The following PCDH9 variants were observed in gnomAD, a reference collection of about 807,000 sequenced individuals.
PCDH9 encodes the protein protocadherin 9, also known as protocadherin-9.
Under a neutral mutation model 70.6 loss-of-function variants are expected in PCDH9, and 24 were observed. The ratio of observed to expected loss-of-function variants is 0.34; its 90% CI spans 0.25 to 0.48. The LOEUF (loss-of-function observed/expected upper bound fraction) is 0.48. PCDH9 is among the 20% of genes least tolerant of loss of function. The pLI is 0.99. For missense variants in PCDH9, 1,281 were observed against 1,503.6 expected (o/e 0.85, Z 2.45); for synonymous variants, 562 against 558.5 (o/e 1.01, Z -0.09).
intron 3 of PCDH9, among the ~76,000 whole-genome samples, chr13:66,668,928 C>T (rs2078134089): frequency 6.6e-6 from 1 of 152,042 alleles, no homozygotes. Flanking sequence ...ATTTCTACTC[C>T]ACTGCTTTAG....
At chr13:66,832,546 C>T (rs2080946480) in intron 3 of PCDH9, among the ~76,000 whole-genome samples, 1 of 151,888 alleles carries the variant, frequency 6.6e-6, no homozygotes, top group South Asian at 2.1e-4. Flanking sequence ...TACACATGCA[C>T]AGATATGCAT....
chr13:66,313,328 A>T (rs1955596062), intron 4 of PCDH9, among the ~76,000 whole-genome samples: 1 of 152,168 alleles, frequency 6.6e-6, no homozygotes, highest in East Asian at 1.9e-4. Context: ...CCTTTCAAAA[A>T]TTCATTCATA....
chr13:66,679,888 C>T (rs756808123), intron 3 of PCDH9, among the ~76,000 whole-genome samples: 4 of 151,862 alleles, frequency 2.6e-5, no homozygotes, highest in Admixed American at 6.6e-5. Context: ...TTTGAAAATT[C>T]TATTTAAATA....
At chr13:66,311,328 C>T (rs1273500145) in intron 4 of PCDH9, among the ~76,000 whole-genome samples, 2 of 149,262 alleles carry the variant, frequency 1.3e-5, no homozygotes, top group African/African-American at 4.9e-5. Context: ...CATTTTATCC[C>T]TCAATTTTTC....
intron 2 of PCDH9, among the ~76,000 whole-genome samples, chr13:67,127,680 G>GTC (rs1314960493): frequency 6.7e-6 from 1 of 149,616 alleles, no homozygotes; most frequent in Non-Finnish European, 1.5e-5. Context: ...ATATATATGT[G>GTC]TGTGTGTGTG....
chr13:66,439,397 T>C (rs1191716383), intron 4 of PCDH9, among the ~76,000 whole-genome samples: 1 of 152,210 alleles, frequency 6.6e-6, no homozygotes, highest in East Asian at 1.9e-4. Context: ...AAGAATACTG[T>C]ATTGTATACT....
At chr13:66,763,295 C>A (rs1464720448) in intron 3 of PCDH9, among the ~76,000 whole-genome samples, 1 of 151,732 alleles carries the variant, frequency 6.6e-6, no homozygotes, top group Non-Finnish European at 1.5e-5. Context: ...AACATTCAAA[C>A]AAGAGCAAGC....
intron 2 of PCDH9, among the ~76,000 whole-genome samples, chr13:67,135,122 C>T (rs959086753): frequency 2.6e-5 from 4 of 152,050 alleles, no homozygotes; most frequent in Non-Finnish European, 5.9e-5. Context: ...ACTATGATTT[C>T]CTACCATTAA....
chr13:67,225,221 T>A, intron 2 of PCDH9, 184 bp downstream of exon 2: 2 of 1,332,508 alleles, frequency 1.5e-6, no homozygotes, highest in Non-Finnish European at 2.0e-6. Context: ...AACTCAGAAA[T>A]TTCAAAGCTG....
At chr13:67,077,548 T>C (rs918206578) in intron 2 of PCDH9, among the ~76,000 whole-genome samples, 1 of 152,196 alleles carries the variant, frequency 6.6e-6, no homozygotes, top group Non-Finnish European at 1.5e-5. Context: ...TAAATTCCAT[T>C]TTTGTCTCTT....
At chr13:66,424,308 C>T (rs1957626930) in intron 4 of PCDH9, among the ~76,000 whole-genome samples, 1 of 152,088 alleles carries the variant, frequency 6.6e-6, no homozygotes, top group African/African-American at 2.4e-5. Context: ...ACTTTCTTCA[C>T]ATAATGATCA....
chr13:66,548,626 A>T (rs1469629198), intron 4 of PCDH9, among the ~76,000 whole-genome samples: 1 of 152,130 alleles, frequency 6.6e-6, no homozygotes, highest in Non-Finnish European at 1.5e-5. Flanking sequence ...GTAAGTTATG[A>T]AACTCTTGCC....
chr13:66,971,177 C>T (rs1246109129), intron 2 of PCDH9, among the ~76,000 whole-genome samples: 1 of 152,016 alleles, frequency 6.6e-6, no homozygotes, highest in Non-Finnish European at 1.5e-5. Flanking sequence ...CTGTGATTCA[C>T]TCGTCTTCAG....
rs968940654 is a variant in PCDH9 at position 66,897,632 on chromosome 13, T to C, written c.3138+5872A>G. 1.2e-4 allele frequency among the ~76,000 whole-genome samples: 18 copies of C among 152,210 alleles called. No homozygotes were observed. In the East Asian group the frequency reaches 2.1e-3, roughly 18 times the overall value. The stretch of plus-strand genomic sequence containing the variant: ...AACCAACATTCATGTTTCTAGAAAA[T>C]TGTATTATACATAGGCATTAGACAT... On this transcript the variant is annotated intron_variant, in intron 3 of 4. Coordinates refer to ENST00000377865, the MANE Select transcript of PCDH9 (RefSeq NM_203487.3).
chr13:66,828,212 T>C (rs1278172646), intron 3 of PCDH9, among the ~76,000 whole-genome samples: 1 of 152,182 alleles, frequency 6.6e-6, no homozygotes, highest in Non-Finnish European at 1.5e-5. Flanking sequence ...TGAAAATCAG[T>C]AACCTCACAG....
chr13:66,924,245 A>C (rs996782747), intron 2 of PCDH9, among the ~76,000 whole-genome samples: 1 of 151,854 alleles, frequency 6.6e-6, no homozygotes, highest in African/African-American at 2.4e-5. Flanking sequence ...CTTATCTCAG[A>C]AAGTCTTCAA....
chr13:66,348,616 A>C (rs1956247382), intron 4 of PCDH9, among the ~76,000 whole-genome samples: 1 of 151,892 alleles, frequency 6.6e-6, no homozygotes, highest in African/African-American at 2.4e-5. Context: ...TCTCAAAAAG[A>C]AACTTTCTCT....
At chr13:67,040,730 G>C (rs2085097549) in intron 2 of PCDH9, among the ~76,000 whole-genome samples, 4 of 152,048 alleles carry the variant, frequency 2.6e-5, no homozygotes, top group Admixed American at 2.6e-4. Context: ...GGGAAGTGGA[G>C]GTCAGGGATA....
chr13:66,735,628 A>G (rs1227501073), intron 3 of PCDH9, among the ~76,000 whole-genome samples: 1 of 152,220 alleles, frequency 6.6e-6, no homozygotes, highest in African/African-American at 2.4e-5. Flanking sequence ...GAGATATGTC[A>G]CTGTGTGAAT....
Sources: gnomAD v4.1 joint callset for allele counts (sites outside exome capture counted in the v4.1 genomes callset) on GRCh38, gnomAD v4.1.1 for gene constraint, MANE v1.5 for transcripts, NCBI Gene and HGNC (gene_info 2026-07-23, HGNC 2026-07-21) for gene names.